The following ABCD3 variants were observed in gnomAD, a reference collection of about 807,000 sequenced individuals.
The protein encoded by ABCD3 is ATP binding cassette subfamily D member 3, also known as ATP-binding cassette sub-family D member 3.
In ABCD3, 41 loss-of-function variants were observed where a neutral mutation model predicts 105.5. The ratio of observed to expected loss-of-function variants is 0.39; its 90% confidence interval spans 0.30 to 0.50. ABCD3 has a LOEUF of 0.50. Among genes scored for constraint, ABCD3 ranks in the 20% least tolerant of loss-of-function variants. The pLI is 0.84. For missense variants in ABCD3, 622 were observed against 806.3 expected (o/e 0.77, Z 2.77); for synonymous variants, 258 against 269.0 (o/e 0.96, Z 0.40).
chr1:94,392,223 G>A, the ABCD3 span, among the ~76,000 whole-genome samples: 1 of 152,176 alleles, frequency 6.6e-6, no homozygotes, highest in Admixed American at 6.5e-5. Context: ...TAGGATGCAT[G>A]TGGAAATGAC....
At chr1:94,512,802 A>G (rs1650746082) in intron 21 of ABCD3, among the ~76,000 whole-genome samples, 1 of 152,086 alleles carries the variant, frequency 6.6e-6, no homozygotes, top group Non-Finnish European at 1.5e-5. Context: ...CAAATGTAGT[A>G]TATCCTAGCT....
intron 1 of ABCD3, among the ~76,000 whole-genome samples, chr1:94,450,319 C>A (rs1260518124): frequency 6.6e-6 from 1 of 152,220 alleles, no homozygotes. Flanking sequence ...GGAACAGGCC[C>A]CCCAAATCTG....
At position 94,499,565 on chromosome 1, in the gene ABCD3, T is replaced by C. The variant is rs368011782; in HGVS notation, c.1691T>C (p.Val564Ala). ...ILEREGGWDS[V>A]QDWMDVLSGG... ...GAACGTGAAGGAGGCTGGGACAGTG[T>C]TCAGGATTGGATGGACGTACTCAGT... Residue 564 changes from valine to alanine, a missense_variant, in exon 20 of 23, where the codon GTT (valine) becomes GCT (alanine). This residue lies in a region of ABCD3 where 285 missense variants were observed against 352.5 expected (regional missense o/e 0.81). Coordinates refer to ENST00000370214, the MANE Select transcript of ABCD3 (RefSeq NM_002858.4). The C allele has an allele frequency of 3.2e-5, 52 of 1,613,704 alleles. No individual in the cohort carries two copies. The highest frequency in any genetic ancestry group is 4.3e-5 in the Non-Finnish European group (51 of 1,179,850).
chr1:94,397,841 T>A, the ABCD3 span, among the ~76,000 whole-genome samples: 1 of 152,182 alleles, frequency 6.6e-6, no homozygotes, highest in South Asian at 2.1e-4. Flanking sequence ...TTAATATATG[T>A]TTCAGGGAAA....
the ABCD3 span, among the ~76,000 whole-genome samples, chr1:94,408,488 A>G: frequency 0.89 from 134,590 of 151,360 alleles, 60,772 homozygotes; most frequent in Non-Finnish European, 0.96. Context: ...CAGCTACTAG[A>G]GAGGCTGAGG....
chr1:94,406,824 C>A, the ABCD3 span: 1 of 158,488 alleles, frequency 6.3e-6, no homozygotes. Context: ...GCCATGTTTC[C>A]TAAAAAGCCT....
At chr1:94,392,756 G>T in the ABCD3 span, among the ~76,000 whole-genome samples, 15 of 152,068 alleles carry the variant, frequency 9.9e-5, no homozygotes, top group Non-Finnish European at 1.8e-4. Flanking sequence ...TGAAAACAAA[G>T]CAAATATGGG....
Position 94,473,800 on chromosome 1 carries a change from A to G in ABCD3, c.370A>G (p.Arg124Gly). 1.2e-6 allele frequency: 2 copies of G among 1,612,806 alleles called. No individual in the cohort carries two copies. The highest frequency in any genetic ancestry group is 1.7e-6 in the Non-Finnish European group (2 of 1,179,398). Reference sequence around the variant, plus strand: ...TGGTCGTAGCAGGAAAGATTTCAAGAGATACTTACTCAACTTCATCGCTGC... The same window carrying G: ...TGGTCGTAGCAGGAAAGATTTCAAGGGATACTTACTCAACTTCATCGCTGC... ...IIGRSRKDFKRYLLNFIAAMP... is the reference protein window; with the variant it reads ...IIGRSRKDFKGYLLNFIAAMP... Residue 124 changes from arginine (R) to glycine (G), a missense_variant, in exon 5 of 23, where the codon AGA becomes GGA. Arg to Gly is a moderately radical substitution (Grantham distance 125, BLOSUM62 -2). This residue lies in a region of ABCD3 where 245 missense variants were observed against 356.4 expected (regional missense o/e 0.69). Coordinates refer to ENST00000370214, the MANE Select transcript of ABCD3 (RefSeq NM_002858.4).
At chr1:94,418,183 G>A (rs957989018), upstream of ABCD3, among the ~76,000 whole-genome samples, 2 of 152,220 alleles carry the variant, frequency 1.3e-5, no homozygotes, top group African/African-American at 2.4e-5. Context: ...GGGCTGAGTA[G>A]CAACAGCTCC....
In ABCD3 at chr1:94,491,235, C is replaced by G. The variant is rs149365004; in HGVS notation, c.1374C>G (p.Asp458Glu). Reference protein sequence around the residue: ...ATPNGDVLIRDLNFEVRSGAN... With the variant: ...ATPNGDVLIRELNFEVRSGAN... ...CAAATGGAGATGTTTTGATCCGAGA[C>G]CTTAATTTTGAAGTAAGTTTTTAAA... Residue 458 changes from aspartate to glutamate, a missense_variant, in exon 16 of 23, where the codon GAC becomes GAG. Transcript: ENST00000370214. 5.6e-6 allele frequency: 9 copies of G among 1,611,104 alleles called. No homozygotes were observed. The African/African-American group carries it at 9.4e-5, about 17-fold the overall frequency.
At chr1:94,493,942 T>G in intron 16 of ABCD3, among the ~76,000 whole-genome samples, 1 of 151,476 alleles carries the variant, frequency 6.6e-6, no homozygotes, top group South Asian at 2.1e-4. Context: ...TGGGGACTGT[T>G]GTGGGGTGGG....
At position 94,458,600 on chromosome 1, in the gene ABCD3, T is replaced by C. The variant is rs1647707299; in HGVS notation, c.111-7T>C. On this transcript the variant is annotated splice_polypyrimidine_tract_variant and splice_region_variant and intron_variant, in intron 1 of 22. Transcript: ENST00000370214. Reference sequence around the variant, plus strand: ...TAAAGCTCTCTCTCTCTTTTTTTCCTCTGCAGTAAGAAAAGTGGAAAACCA... The same window carrying C: ...TAAAGCTCTCTCTCTCTTTTTTTCCCCTGCAGTAAGAAAAGTGGAAAACCA... 1 of 1,611,772 alleles carries C rather than the reference T, an allele frequency of 6.2e-7. No homozygotes were observed. Among genetic ancestry groups the C allele is most frequent in the East Asian group, 2.2e-5 (1 of 44,752 alleles).
chr1:94,473,716 T>C (rs1648597181), intron 4 of ABCD3, 50 bp from the exon 5 acceptor site: 2 of 1,351,798 alleles, frequency 1.5e-6, no homozygotes, highest in Non-Finnish European at 2.1e-6. Context: ...TTTCCTAGTG[T>C]TAGATTTTGC....
chr1:94,504,857 A>C (rs1650273818), intron 20 of ABCD3, among the ~76,000 whole-genome samples: 1 of 152,174 alleles, frequency 6.6e-6, no homozygotes, highest in South Asian at 2.1e-4. Flanking sequence ...CTCTGGGCTA[A>C]GGGCATGTTT....
chr1:94,476,968 A>G (rs1325701206), intron 7 of ABCD3, among the ~76,000 whole-genome samples: 1 of 151,816 alleles, frequency 6.6e-6, no homozygotes, highest in Non-Finnish European at 1.5e-5. Flanking sequence ...TATCTATACA[A>G]CTTTCCATGT....
At chr1:94,415,870 G>A (rs554337034), upstream of ABCD3, among the ~76,000 whole-genome samples, 4 of 151,902 alleles carry the variant, frequency 2.6e-5, 1 homozygote, top group South Asian at 8.3e-4. Context: ...TTTGAGACAT[G>A]GCCACAATTC....
chr1:94,464,963 T>A, intron 3 of ABCD3, 90 bp downstream of exon 3: 1 of 1,105,600 alleles, frequency 9.0e-7, no homozygotes, highest in Non-Finnish European at 1.4e-6. Context: ...AAAAGAGATT[T>A]AATTGGCTCC....
chr1:94,452,627 C>T (rs778236645), intron 1 of ABCD3, among the ~76,000 whole-genome samples: 31 of 151,978 alleles, frequency 2.0e-4, no homozygotes, highest in African/African-American at 2.7e-4. Flanking sequence ...GCAGTACATT[C>T]GCATGGTCTG....
At chr1:94,500,533 A>G (rs983447647) in intron 20 of ABCD3, among the ~76,000 whole-genome samples, 2 of 152,172 alleles carry the variant, frequency 1.3e-5, no homozygotes, top group African/African-American at 4.8e-5. Context: ...TTTTTTAACT[A>G]TATATTTCAT....
Sources: allele counts gnomAD v4.1 joint callset (sites outside exome capture counted in the v4.1 genomes callset), GRCh38; gene constraint gnomAD v4.1.1; regional missense constraint gnomAD v4.1.1; transcripts MANE v1.5; gene names NCBI Gene and HGNC (gene_info 2026-07-23, HGNC 2026-07-21).